SMG9: variants seen among roughly 807,000 people sequenced by gnomAD.
SMG9 encodes SMG9 nonsense mediated mRNA decay factor, also known as nonsense-mediated mRNA decay factor SMG9.
Under a neutral mutation model 64.0 loss-of-function variants are expected in SMG9, and 55 were observed. The observed-to-expected ratio is 0.86, with a 90% confidence interval of 0.69 to 1.08. SMG9 has a LOEUF of 1.08. SMG9 is among the 50% of genes least tolerant of loss of function. SMG9 has a pLI of 0.00. For missense variants in SMG9, 554 were observed against 681.3 expected (o/e 0.81, Z 2.08); for synonymous variants, 244 against 254.8 (o/e 0.96, Z 0.41).
intron 5 of SMG9, among the ~76,000 whole-genome samples, chr19:43,746,514 T>C (rs1172556617): frequency 6.6e-6 from 1 of 152,104 alleles, no homozygotes; most frequent in Non-Finnish European, 1.5e-5. Context: ...CCCAGTTAAT[T>C]CCAATGTGAG....
In SMG9 at chr19:43,733,436, T is replaced by C. The variant is rs912175319; in HGVS notation, c.1227A>G (p.Leu409=). The change falls in exon 12 of 14, where the codon TTA becomes TTG. Residue 409 remains leucine, a synonymous_variant. Coordinates refer to ENST00000270066, the MANE Select transcript of SMG9 (RefSeq NM_019108.4). ...GAAGCCCCGGGAAGACATTGCATTGTAACATGGACAGAGTTCCTGGAGGAG... is the reference window on the plus strand; with the variant it reads ...GAAGCCCCGGGAAGACATTGCATTGCAACATGGACAGAGTTCCTGGAGGAG... ...HLRYKGTLSM[L]QCNVFPGLPP... The C allele has an allele frequency of 6.2e-7, 1 of 1,613,976 alleles. No homozygotes were observed. Among genetic ancestry groups the C allele is most frequent in the African/African-American group, 1.3e-5 (1 of 74,930 alleles).
intron 6 of SMG9, 82 bp downstream of exon 6, chr19:43,744,690 A>G (rs1968945435): frequency 1.0e-6 from 1 of 973,860 alleles, no homozygotes; most frequent in African/African-American, 1.6e-5. Flanking sequence ...TGGTAACACC[A>G]CTTGAAACAC....
intron 2 of SMG9, 122 bp from the exon 3 acceptor site, chr19:43,748,174 T>C (rs896917435): frequency 2.7e-5 from 31 of 1,161,954 alleles, no homozygotes; most frequent in Non-Finnish European, 3.5e-5. Flanking sequence ...AACAGCCCTG[T>C]GAGATAGATA....
At position 43,731,137 on chromosome 19, in the gene SMG9, G is replaced by A. The variant is rs1214169550; in HGVS notation, c.*459C>T. 3.0e-6 allele frequency: 3 copies of A among 988,714 alleles called. No individual in the cohort carries two copies. The East Asian group carries it at 3.4e-4, about 111-fold the overall frequency. 61.2% of individuals were successfully genotyped at this position (988,714 alleles called of 1,614,324 possible). A position where few individuals can be genotyped will look rare whatever the true frequency, so the allele number is the denominator to read the frequency against. ...CTGCATGGTGGGTAGAGGAGTAAGTGGAACATAAGAACAGGCTTGCATGAC... is the reference window on the plus strand; with the variant it reads ...CTGCATGGTGGGTAGAGGAGTAAGTAGAACATAAGAACAGGCTTGCATGAC... On this transcript the variant is annotated 3_prime_UTR_variant, in exon 14 of 14. Coordinates refer to ENST00000270066, the MANE Select transcript of SMG9 (RefSeq NM_019108.4).
chr19:43,745,056 G>A (rs971154347), intron 5 of SMG9, among the ~76,000 whole-genome samples, 172 bp from the exon 6 acceptor site: 3 of 152,322 alleles, frequency 2.0e-5, no homozygotes, highest in South Asian at 4.1e-4. Context: ...TCCGTGTCAT[G>A]GTAGGATTAT....
chr19:43,733,911 G>T (rs1418674464), intron 10 of SMG9, 178 bp from the exon 11 acceptor site: 2 of 602,604 alleles, frequency 3.3e-6, no homozygotes, highest in East Asian at 5.5e-5. Flanking sequence ...GGACCCAGAA[G>T]TGAGTCAGGT....
chr19:43,731,568 C>A lies in SMG9; in HGVS notation c.*28G>T. 1 of 1,614,036 alleles carries A rather than the reference C, an allele frequency of 6.2e-7. No individual in the cohort carries two copies. The highest frequency in any genetic ancestry group is 8.5e-7 in the Non-Finnish European group (1 of 1,179,938). On this transcript the variant is annotated 3_prime_UTR_variant, in exon 14 of 14. Transcript: ENST00000270066. ...GCAGTACACTGCGGACCCAGGAGGT[C>A]CCCTGCATGACATTCCTCTCCTTGG...
intron 13 of SMG9, 141 bp from the exon 14 acceptor site, chr19:43,731,815 T>C: frequency 2.0e-6 from 2 of 1,013,748 alleles, no homozygotes; most frequent in Middle Eastern, 3.1e-4. Flanking sequence ...TCTCCTCGAC[T>C]GGGATACAGG....
rs909588816 is a variant in SMG9, at chr19:43,729,759, G to T, written c.*1837C>A. 2 of 152,330 alleles carry T rather than the reference G, an allele frequency of 1.3e-5. No individual in the cohort carries two copies. The highest frequency in any genetic ancestry group is 2.4e-5 in the African/African-American group (1 of 41,450). The allele number at this position is 152,330 out of a possible 1,614,324, so 9.4% of individuals were successfully genotyped here. A position where few individuals can be genotyped will look rare whatever the true frequency, so the allele number is the denominator to read the frequency against. ...TCTAGCTGGAGAGGATGGTCAGGAG[G>T]GTTCTGTAGAGATCACGACAGTGGG... is the stretch of plus-strand genomic sequence containing the variant. On this transcript the variant is annotated 3_prime_UTR_variant, in exon 14 of 14. Coordinates refer to ENST00000270066, the MANE Select transcript of SMG9 (RefSeq NM_019108.4).
intron 1 of SMG9, among the ~76,000 whole-genome samples, chr19:43,753,169 C>T (rs976154652): frequency 1.8e-4 from 27 of 152,134 alleles, no homozygotes; most frequent in African/African-American, 6.0e-4. Context: ...CTGAAGACTG[C>T]TTTCCTAGAC....
At chr19:43,751,593 G>T (rs1969193629) in intron 1 of SMG9, among the ~76,000 whole-genome samples, 1 of 152,242 alleles carries the variant, frequency 6.6e-6, no homozygotes, top group South Asian at 2.1e-4. Flanking sequence ...TTTGCAGTTA[G>T]GTGTGGCCAT....
chr19:43,738,833 C>G (rs1968755782), intron 7 of SMG9, among the ~76,000 whole-genome samples: 1 of 152,218 alleles, frequency 6.6e-6, no homozygotes, highest in African/African-American at 2.4e-5. Flanking sequence ...CTTCCGTCCT[C>G]CTCTTCACAG....
rs1968714728 is a variant in SMG9, at chr19:43,737,646, GGCA to G, written c.943_945del (p.Cys315del). 1 of 1,613,864 alleles carries G rather than the reference GGCA, an allele frequency of 6.2e-7. No homozygotes were observed. Among genetic ancestry groups the G allele is most frequent in the Non-Finnish European group, 8.5e-7 (1 of 1,179,960 alleles). On this transcript the variant is annotated inframe_deletion, in exon 9 of 14. Coordinates refer to ENST00000270066, the MANE Select transcript of SMG9 (RefSeq NM_019108.4). ...CAGTCCTGGACAACAATCACCACAT[GGCA>G]GACCGTGAAAAGGAAGGCAGCAATC...
chr19:43,735,634 A>AAC (rs1278934261), intron 9 of SMG9, among the ~76,000 whole-genome samples: 122 of 149,996 alleles, frequency 8.1e-4, no homozygotes, highest in Non-Finnish European at 1.4e-3. Flanking sequence ...AAAAAAAAAA[A>AAC]AAAAATCTGT....
intron 12 of SMG9, 71 bp from the exon 13 acceptor site, chr19:43,733,073 G>C (rs111601925): frequency 1.3e-6 from 2 of 1,522,918 alleles, no homozygotes; most frequent in African/African-American, 2.8e-5. Context: ...ACAGCATCCT[G>C]GGCTTCAAGG....
chr19:43,740,322 G>T, intron 6 of SMG9, 104 bp from the exon 7 acceptor site: 1 of 838,422 alleles, frequency 1.2e-6, no homozygotes, highest in Non-Finnish European at 2.1e-6. Context: ...GTGGTGCCCT[G>T]CCTGCTCCCT....
At position 43,740,211 on chromosome 19, in the gene SMG9, CA is replaced by C. The variant is rs780074562; in HGVS notation, c.708del (p.Tyr236Ter). On this transcript the variant is annotated frameshift_variant, in exon 7 of 14. Transcript: ENST00000270066. LOFTEE classifies it high-confidence loss of function. ...ATTTCAGCGCTCTGGGCCCGGAAAA[CA>C]TAAGTCCTGTGGAGAGGAGCAGGCA... ...ANTPEEDQRT[Y>X]VFRAQSAEMK... is the part of the protein sequence containing the mutation. 3.7e-6 allele frequency: 6 copies of C among 1,613,324 alleles called. No individual in the cohort carries two copies. In the Admixed American group the frequency reaches 6.7e-5, roughly 18 times the overall value.
intron 6 of SMG9, among the ~76,000 whole-genome samples, chr19:43,742,715 G>C (rs923868499): frequency 6.6e-6 from 1 of 152,114 alleles, no homozygotes; most frequent in African/African-American, 2.4e-5. Context: ...GAAACCTCTT[G>C]GTATCCTGCA....
At chr19:43,753,491 T>C (rs1001071142) in intron 1 of SMG9, among the ~76,000 whole-genome samples, 1 of 149,330 alleles carries the variant, frequency 6.7e-6, no homozygotes, top group Admixed American at 6.7e-5. Flanking sequence ...GAGACGGTCT[T>C]GCTCTGTTGC....
Sources: gnomAD v4.1 joint callset for allele counts (sites outside exome capture counted in the v4.1 genomes callset) on GRCh38, gnomAD v4.1.1 for gene constraint, MANE v1.5 for transcripts, NCBI Gene and HGNC (gene_info 2026-07-23, HGNC 2026-07-21) for gene names.